Variants in GLIPR2 observed in about 807,000 individuals in gnomAD.
GLIPR2 encodes Golgi-associated plant pathogenesis-related protein 1.
In GLIPR2, 21 loss-of-function variants were observed where a neutral mutation model predicts 20.4. The observed-to-expected ratio is 1.03, with a 90% CI of 0.73 to 1.48. The LOEUF is 1.48. Among genes scored for constraint, GLIPR2 ranks in the 40% most tolerant of loss-of-function variants. GLIPR2 has a pLI of 0.00. For missense variants in GLIPR2, 205 were observed against 200.1 expected (o/e 1.02, Z -0.15); for synonymous variants, 91 against 80.5 (o/e 1.13, Z -0.70).
chr9:36,150,313 G>A (rs1209666027), intron 3 of GLIPR2, among the ~76,000 whole-genome samples: 1 of 152,222 alleles, frequency 6.6e-6, no homozygotes, highest in African/African-American at 2.4e-5. Flanking sequence ...CTGGCCCGGA[G>A]AGCAGCAGCT....
chr9:36,157,782 A>G (rs751192062), intron 4 of GLIPR2, among the ~76,000 whole-genome samples: 2 of 150,466 alleles, frequency 1.3e-5, no homozygotes, highest in Non-Finnish European at 3.0e-5. Context: ...GTTGATGGAC[A>G]CTTGGGCTGT....
At chr9:36,156,568 C>T (rs1825842739) in intron 4 of GLIPR2, among the ~76,000 whole-genome samples, 1 of 152,062 alleles carries the variant, frequency 6.6e-6, no homozygotes, top group East Asian at 1.9e-4. Context: ...AACTCAGTAC[C>T]CCTTAGACCA....
At chr9:36,152,128 G>A (rs1351326464) in intron 4 of GLIPR2, among the ~76,000 whole-genome samples, 2 of 152,200 alleles carry the variant, frequency 1.3e-5, no homozygotes, top group African/African-American at 4.8e-5. Flanking sequence ...AGAGGCAGAA[G>A]CATCTGCTGA....
rs1404641377 is a variant in GLIPR2 at position 36,162,533 on chromosome 9, G to A, written c.*11G>A. On this transcript the variant is annotated 3_prime_UTR_variant, in exon 5 of 5. Coordinates refer to ENST00000377960, the MANE Select transcript of GLIPR2 (RefSeq NM_022343.4). ...CCGCCGAAGAAGTAACTTGTTAAAT[G>A]TAATGGGAAGGTGGCAGACTTAAGA... 2.5e-6 allele frequency: 4 copies of A among 1,613,906 alleles called. No individual in the cohort carries two copies. The highest frequency in any genetic ancestry group is 2.2e-5 in the East Asian group (1 of 44,888).
intron 4 of GLIPR2, among the ~76,000 whole-genome samples, chr9:36,156,439 GAA>G (rs1825837995): frequency 3.6e-5 from 5 of 139,264 alleles, no homozygotes; most frequent in Non-Finnish European, 6.3e-5. Context: ...ACATATAACT[GAA>G]AATTTACCAT....
chr9:36,156,130 A>C (rs927279811), intron 4 of GLIPR2, among the ~76,000 whole-genome samples: 1 of 152,202 alleles, frequency 6.6e-6, no homozygotes, highest in African/African-American at 2.4e-5. Flanking sequence ...CAATCGCTTG[A>C]ATCTGGGAGG....
intron 4 of GLIPR2, among the ~76,000 whole-genome samples, chr9:36,159,598 A>G (rs927895869): frequency 3.3e-5 from 5 of 152,198 alleles, no homozygotes; most frequent in Non-Finnish European, 7.3e-5. Flanking sequence ...GCATCACACA[A>G]ATGGGAAGAA....
intron 4 of GLIPR2, among the ~76,000 whole-genome samples, chr9:36,154,873 T>A (rs1223952428): frequency 6.6e-6 from 1 of 152,234 alleles, no homozygotes; most frequent in African/African-American, 2.4e-5. Context: ...TGGCAGCTTC[T>A]TCCTTTTCTG....
intron 4 of GLIPR2, among the ~76,000 whole-genome samples, chr9:36,156,385 T>TAAAAAAAAAAAAAA (rs58467311): frequency 1.3e-5 from 1 of 77,720 alleles, no homozygotes; most frequent in Non-Finnish European, 2.4e-5. Context: ...AAGCCATGTC[T>TAAAAAAAAAAAAAA]AAAAAAAAAA....
Position 36,162,772 on chromosome 9 carries a change from G to A in GLIPR2, c.*250G>A, listed in dbSNP as rs1826113888. 1.2e-5 allele frequency: 7 copies of A among 575,744 alleles called. No homozygotes were observed. Among genetic ancestry groups the A allele is most frequent in the Non-Finnish European group, 2.2e-5 (7 of 324,112 alleles). The allele number at this position is 575,744 out of a possible 1,614,324, so 35.7% of individuals were successfully genotyped here. A position where few individuals can be genotyped will look rare whatever the true frequency, so the allele number is the denominator to read the frequency against. On this transcript the variant is annotated 3_prime_UTR_variant, in exon 5 of 5. Transcript: ENST00000377960. Reference sequence around the variant, plus strand: ...ACGATTATTTGGATTGGGGGGAGGGGGGATCCGTTTTTTTTTTTTAATTTT... The same window carrying A: ...ACGATTATTTGGATTGGGGGGAGGGAGGATCCGTTTTTTTTTTTTAATTTT...
At chr9:36,160,919 T>TGTAGTCCCA (rs1826025852) in intron 4 of GLIPR2, among the ~76,000 whole-genome samples, 1 of 152,042 alleles carries the variant, frequency 6.6e-6, no homozygotes, top group African/African-American at 2.4e-5. Context: ...GGCACACACC[T>TGTAGTCCCA]GTAGTCCCAG....
intron 1 of GLIPR2, among the ~76,000 whole-genome samples, chr9:36,143,846 T>G (rs1406073650): frequency 1.3e-5 from 2 of 152,140 alleles, no homozygotes; most frequent in Non-Finnish European, 2.9e-5. Context: ...CTAGGAAAGA[T>G]CTTTCTTAGG....
At chr9:36,153,280 G>A (rs1195693036) in intron 4 of GLIPR2, among the ~76,000 whole-genome samples, 2 of 152,148 alleles carry the variant, frequency 1.3e-5, no homozygotes, top group African/African-American at 4.8e-5. Context: ...AATCTCACAA[G>A]AGTCAGAGCC....
chr9:36,162,544 G>T lies in GLIPR2; in HGVS notation c.*22G>T, dbSNP rs1041384090. On this transcript the variant is annotated 3_prime_UTR_variant, in exon 5 of 5. Coordinates refer to ENST00000377960, the MANE Select transcript of GLIPR2 (RefSeq NM_022343.4). ...GTAACTTGTTAAATGTAATGGGAAG[G>T]TGGCAGACTTAAGAACGTGGATATG... 1.3e-5 allele frequency: 21 copies of T among 1,613,220 alleles called. No individual in the cohort carries two copies. The African/African-American group carries it at 2.3e-4, about 17-fold the overall frequency.
chr9:36,154,243 A>T (rs1587150275), intron 4 of GLIPR2, among the ~76,000 whole-genome samples: 1 of 151,798 alleles, frequency 6.6e-6, no homozygotes, highest in African/African-American at 2.4e-5. Flanking sequence ...TTTATATGAT[A>T]TGAACACTGA....
At position 36,136,869 on chromosome 9, in the gene GLIPR2, G is replaced by C; in HGVS notation, c.13+78G>C. ...GACCTCGCCGTCTCCCTCGTCCGCC[G>C]CAAGCCAGGTCCTGGGGAGTGCGGG... is the stretch of plus-strand genomic sequence containing the variant. On this transcript the variant is annotated intron_variant, in intron 1 of 4. Coordinates refer to ENST00000377960, the MANE Select transcript of GLIPR2 (RefSeq NM_022343.4). The surrounding 1 kb of genome is among the most constrained non-coding windows in gnomAD (Gnocchi z 4.3). 1 of 1,251,554 alleles carries C rather than the reference G, an allele frequency of 8.0e-7. No homozygotes were observed. Among genetic ancestry groups the C allele is most frequent in the Non-Finnish European group, 1.0e-6 (1 of 996,450 alleles). The allele number at this position is 1,251,554 out of a possible 1,614,324, so 77.5% of individuals were successfully genotyped here.
intron 4 of GLIPR2, among the ~76,000 whole-genome samples, chr9:36,154,277 T>C (rs1825734894): frequency 6.6e-6 from 1 of 152,050 alleles, no homozygotes. Context: ...TGAAAAGTTT[T>C]CTTTCCAGCC....
At chr9:36,149,667 G>C (rs1234548992) in intron 3 of GLIPR2, among the ~76,000 whole-genome samples, 1 of 152,214 alleles carries the variant, frequency 6.6e-6, no homozygotes, top group Non-Finnish European at 1.5e-5. Flanking sequence ...AGAGGGGGTT[G>C]GGTAGGTGGT....
At chr9:36,138,003 C>A (rs1359135411) in intron 1 of GLIPR2, among the ~76,000 whole-genome samples, 1 of 152,248 alleles carries the variant, frequency 6.6e-6, no homozygotes, top group East Asian at 1.9e-4. Flanking sequence ...CCCTCTGTTC[C>A]TCCCTGTCTG....
Sources: allele counts gnomAD v4.1 joint callset (sites outside exome capture counted in the v4.1 genomes callset), GRCh38; gene constraint gnomAD v4.1.1; non-coding constraint Gnocchi (gnomAD v3.1); transcripts MANE v1.5; gene names NCBI Gene and HGNC (gene_info 2026-07-23, HGNC 2026-07-21).